The following LRP1B variants were observed in gnomAD, a reference collection of about 807,000 sequenced individuals.
LRP1B encodes the protein low-density lipoprotein receptor-related protein 1B.
In LRP1B, 217 loss-of-function variants were observed where a neutral mutation model predicts 556.6. The observed-to-expected ratio is 0.39, with a 90% CI of 0.35 to 0.44. The LOEUF (loss-of-function observed/expected upper bound fraction) is 0.44, where lower values mean the gene tolerates loss of function less well. LRP1B is among the 20% of genes least tolerant of loss of function. LRP1B has a pLI of 1.00. For synonymous variants in LRP1B, 2,047 were observed against 1,865.8 expected (o/e 1.10, Z -2.50); for missense variants, 5,053 against 5,620.8 (o/e 0.90, Z 3.23).
intron 41 of LRP1B, among the ~76,000 whole-genome samples, chr2:140,638,551 G>C (rs934153668): frequency 1.3e-5 from 2 of 152,110 alleles, no homozygotes; most frequent in African/African-American, 4.8e-5. Flanking sequence ...ATACTTCAAA[G>C]ATAGTCCATG....
At chr2:141,098,172 A>G (rs1023655188) in intron 7 of LRP1B, among the ~76,000 whole-genome samples, 3 of 152,216 alleles carry the variant, frequency 2.0e-5, no homozygotes, top group Non-Finnish European at 4.4e-5. Context: ...AGAAACTAAA[A>G]TGTGTCTCTA....
chr2:140,499,576 C>A (rs544941451), intron 55 of LRP1B, among the ~76,000 whole-genome samples: 1 of 151,932 alleles, frequency 6.6e-6, no homozygotes, highest in South Asian at 2.1e-4. Flanking sequence ...TACAGGCCAT[C>A]ATGCACCTAG....
At chr2:141,153,589 AG>A (rs1701992743) in intron 7 of LRP1B, among the ~76,000 whole-genome samples, 1 of 135,960 alleles carries the variant, frequency 7.4e-6, no homozygotes, top group Non-Finnish European at 1.5e-5. Context: ...ATTATATATT[AG>A]CTATATATAT....
chr2:141,058,001 A>G (rs77283344), intron 9 of LRP1B, among the ~76,000 whole-genome samples: 5,227 of 151,950 alleles, frequency 0.034, 97 homozygotes, highest in South Asian at 0.074. Context: ...GTTATTTTGT[A>G]TCATAGCTTC....
rs1037985257 is a variant in LRP1B at position 141,671,462 on chromosome 2, C to T, written c.205+138817G>A. Among the ~76,000 whole-genome samples the T allele has an allele frequency of 3.9e-5, 6 of 152,048 alleles. No individual in the cohort carries two copies. The East Asian group carries it at 1.2e-3, about 29-fold the overall frequency. ...AGAGGGTGGGGCCAGCCTGATTCCG[C>T]AGGGGAACTCTGAAATGTAAGTTAA... On this transcript the variant is annotated intron_variant, in intron 2 of 90. Transcript: ENST00000389484.
chr2:141,131,999 C>T (rs1035295634), intron 7 of LRP1B, among the ~76,000 whole-genome samples: 1 of 151,992 alleles, frequency 6.6e-6, no homozygotes, highest in Non-Finnish European at 1.5e-5. Context: ...CCCACTCTTG[C>T]CCCAGAGCCT....
At chr2:140,678,425 T>C (rs1011315384) in intron 41 of LRP1B, among the ~76,000 whole-genome samples, 2 of 152,234 alleles carry the variant, frequency 1.3e-5, no homozygotes, top group African/African-American at 4.8e-5. Flanking sequence ...GTAGTTTTCA[T>C]TTCTTATCTG....
At position 141,868,132 on chromosome 2, in the gene LRP1B, A is replaced by G. The variant is rs1013550649; in HGVS notation, c.83-57731T>C. Among the ~76,000 whole-genome samples, 5 of 152,126 alleles carry G rather than the reference A, an allele frequency of 3.3e-5. No individual in the cohort carries two copies. The East Asian group carries it at 9.6e-4, about 29-fold the overall frequency. On this transcript the variant is annotated intron_variant, in intron 1 of 90. Transcript: ENST00000389484. ...AATGCCTTCAAATACTTCAATTTAT[A>G]TATCCCTTTTTGTTCTTTATGACCA... is the stretch of plus-strand genomic sequence containing the variant.
intron 3 of LRP1B, among the ~76,000 whole-genome samples, chr2:141,259,938 T>C (rs1267361642): frequency 6.6e-6 from 1 of 152,206 alleles, no homozygotes; most frequent in Non-Finnish European, 1.5e-5. Flanking sequence ...ATCATCCATT[T>C]AGTATAACAG....
intron 11 of LRP1B, among the ~76,000 whole-genome samples, chr2:141,045,056 G>A (rs1394015402): frequency 2.6e-5 from 4 of 151,430 alleles, no homozygotes; most frequent in African/African-American, 9.7e-5. Flanking sequence ...TTAAGAAAAC[G>A]TGGCACATAT....
At chr2:141,240,723 T>C (rs1370682086) in intron 5 of LRP1B, among the ~76,000 whole-genome samples, 2 of 152,108 alleles carry the variant, frequency 1.3e-5, no homozygotes, top group South Asian at 2.1e-4. Context: ...TGTTGTGCCA[T>C]TTATAAAAGC....
chr2:141,226,125 A>AC (rs1239735869), intron 6 of LRP1B, among the ~76,000 whole-genome samples: 3 of 98,792 alleles, frequency 3.0e-5, no homozygotes, highest in Non-Finnish European at 4.7e-5. Flanking sequence ...TTTCCCCCCC[A>AC]AAAAAAACCA....
intron 35 of LRP1B, among the ~76,000 whole-genome samples, chr2:140,734,857 A>G (rs1687894241): frequency 6.6e-6 from 1 of 152,158 alleles, no homozygotes; most frequent in Admixed American, 6.6e-5. Context: ...AACTTTCTTG[A>G]AACTGCACCA....
chr2:141,799,481 T>TTAG (rs1695931899), intron 2 of LRP1B, among the ~76,000 whole-genome samples: 1 of 152,076 alleles, frequency 6.6e-6, no homozygotes, highest in Non-Finnish European at 1.5e-5. Context: ...TGGCTGCAGC[T>TTAG]GACAACCAGA....
chr2:141,124,754 C>A (rs1422333366), intron 7 of LRP1B, among the ~76,000 whole-genome samples: 1 of 151,136 alleles, frequency 6.6e-6, no homozygotes, highest in Non-Finnish European at 1.5e-5. Flanking sequence ...GCCAATTTTT[C>A]ATATTTTGAA....
intron 2 of LRP1B, among the ~76,000 whole-genome samples, chr2:141,747,052 C>T (rs1329749556): frequency 6.6e-6 from 1 of 152,114 alleles, no homozygotes. Flanking sequence ...AACCTCTTCC[C>T]CTTATTTGTC....
chr2:141,048,102 A>G (rs1442648245), intron 11 of LRP1B, among the ~76,000 whole-genome samples: 1 of 152,116 alleles, frequency 6.6e-6, no homozygotes, highest in Non-Finnish European at 1.5e-5. Flanking sequence ...ATTCCCTAAA[A>G]TTCCTTTTAT....
intron 7 of LRP1B, among the ~76,000 whole-genome samples, chr2:141,143,130 C>T (rs909159432): frequency 6.6e-6 from 1 of 151,890 alleles, no homozygotes; most frequent in East Asian, 1.9e-4. Flanking sequence ...GGGGTTTCAC[C>T]GCGTTAGCCA....
intron 7 of LRP1B, among the ~76,000 whole-genome samples, chr2:141,113,547 A>G (rs1360513714): frequency 6.6e-6 from 1 of 152,098 alleles, no homozygotes; most frequent in Non-Finnish European, 1.5e-5. Context: ...TTAATTCTAT[A>G]CTGTATGAGG....
Sources: allele counts gnomAD v4.1 joint callset (sites outside exome capture counted in the v4.1 genomes callset), GRCh38; gene constraint gnomAD v4.1.1; transcripts MANE v1.5; gene names NCBI Gene and HGNC (gene_info 2026-07-23, HGNC 2026-07-21).